The following PPL variants were observed in gnomAD, a reference collection of about 807,000 sequenced individuals.
PPL encodes 190 kDa paraneoplastic pemphigus antigen.
PPL carries 198 observed loss-of-function variants against 194.4 expected under a neutral mutation model. That is an observed-to-expected ratio of 1.02 (90% confidence interval 0.91 to 1.15). The LOEUF (loss-of-function observed/expected upper bound fraction) is 1.15, where lower values mean the gene tolerates loss of function less well. Ranked by LOEUF, PPL falls within the 50% of genes most tolerant of loss-of-function variation. The pLI, the probability that PPL is intolerant of heterozygous loss-of-function variation, is 0.00. For synonymous variants in PPL, 1,220 were observed against 972.4 expected, an observed-to-expected ratio of 1.25 and a Z score of -4.74; for missense variants, 2,885 against 2,294.8, an observed-to-expected ratio of 1.26 and a Z score of -5.25.
chr16:4,929,012 TTAAAAAAAAAAAAA>T (rs2089194406), intron 1 of PPL, among the ~76,000 whole-genome samples: 1 of 81,032 alleles, frequency 1.2e-5, no homozygotes, highest in African/African-American at 4.6e-5. Context: ...AAACTCTACC[TTAAAAAAAAAAAAA>T]AAAAAAAAAA....
chr16:4,890,366 C>A, intron 17 of PPL, 32 bp from the exon 18 acceptor site: 1 of 1,561,158 alleles, frequency 6.4e-7, no homozygotes, highest in South Asian at 1.2e-5. Context: ...GCCTCAGCCA[C>A]AGCAAACAGA....
rs201818308 is a variant in PPL at position 4,890,344 on chromosome 16, C to T, written c.2163-10G>A. 11 of 1,606,440 alleles carry T rather than the reference C, an allele frequency of 6.8e-6. No homozygotes were observed. Among genetic ancestry groups the T allele is most frequent in the East Asian group, 4.5e-5 (2 of 44,810 alleles). On this transcript the variant is annotated splice_polypyrimidine_tract_variant and intron_variant, in intron 17 of 21. Coordinates refer to ENST00000345988, the MANE Select transcript of PPL (RefSeq NM_002705.5). ...CTGTAGGCTCTGCGCCCTGTCAAGG[C>T]AAAGCGTTCAGGCCTCAGCCACAGC... is the stretch of plus-strand genomic sequence containing the variant.
intron 1 of PPL, among the ~76,000 whole-genome samples, chr16:4,926,352 AG>A (rs2089154459): frequency 6.6e-6 from 1 of 152,176 alleles, no homozygotes; most frequent in Non-Finnish European, 1.5e-5. Context: ...TGCCCCTTAC[AG>A]GCCCTGGCAA....
intron 20 of PPL, among the ~76,000 whole-genome samples, chr16:4,887,680 G>A (rs1476707401): frequency 6.6e-6 from 1 of 152,142 alleles, no homozygotes; most frequent in Non-Finnish European, 1.5e-5. Context: ...GTAGCTCACT[G>A]CAGCCTTGAA....
At chr16:4,911,900 G>A (rs2088827334) in intron 1 of PPL, among the ~76,000 whole-genome samples, 1 of 151,332 alleles carries the variant, frequency 6.6e-6, no homozygotes, top group Non-Finnish European at 1.5e-5. Context: ...GCAGTGGCGT[G>A]ATCATAGTTC....
chr16:4,921,061 G>A lies in PPL; in HGVS notation c.63-10112C>T, dbSNP rs181370147. Among the ~76,000 whole-genome samples the A allele has an allele frequency of 1.2e-4, 19 of 152,314 alleles. 1 individual carries two copies. Among genetic ancestry groups the A allele is most frequent in the Middle Eastern group, 6.8e-3 (2 of 294 alleles). On this transcript the variant is annotated intron_variant, in intron 1 of 21. Transcript: ENST00000345988. Reference sequence around the variant, plus strand: ...CTAGATGGGTTTTGCAAGCCTCTACGAGTCACCTCGAGTCGACTGAGGCTG... The same window carrying A: ...CTAGATGGGTTTTGCAAGCCTCTACAAGTCACCTCGAGTCGACTGAGGCTG...
rs1036613051 is a variant in PPL, at chr16:4,916,532, G to T, written c.63-5583C>A. 2.0e-5 allele frequency among the ~76,000 whole-genome samples: 3 copies of T among 151,778 alleles called. No individual in the cohort carries two copies. In the South Asian group the frequency reaches 6.2e-4, roughly 32 times the overall value. ...CAGCCTTATTATTTTTTGAGACAGG[G>T]TCTCACTCTGTTGCCCAGGCTGGAC... On this transcript the variant is annotated intron_variant, in intron 1 of 21. Transcript: ENST00000345988.
At chr16:4,914,562 A>G (rs2088882825) in intron 1 of PPL, among the ~76,000 whole-genome samples, 1 of 152,178 alleles carries the variant, frequency 6.6e-6, no homozygotes, top group Admixed American at 6.5e-5. Flanking sequence ...AACAGGACCC[A>G]AGCCATACCT....
chr16:4,885,340 C>A lies in PPL; in HGVS notation c.3315G>T (p.Arg1105=). Residue 1105 remains arginine (R), a synonymous_variant, in exon 22 of 22, where the codon CGG becomes CGT. Coordinates refer to ENST00000345988, the MANE Select transcript of PPL (RefSeq NM_002705.5). This position sits in a 1 kb window ranked among gnomAD's most constrained non-coding sequence, Gnocchi z 6.3. ...QDKLKRLEKE[R]AMAEGKITVK... ...CGGTGATCTTGCCCTCGGCCATGGCCCGCTCCTTCTCTAGCCTCTTGAGCT... is the reference window on the plus strand; with the variant it reads ...CGGTGATCTTGCCCTCGGCCATGGCACGCTCCTTCTCTAGCCTCTTGAGCT... The A allele has an allele frequency of 1.9e-6, 3 of 1,612,832 alleles. No homozygotes were observed. The highest frequency in any genetic ancestry group is 1.7e-6 in the Non-Finnish European group (2 of 1,179,982).
At chr16:4,933,894 T>C (rs1179131119) in intron 1 of PPL, among the ~76,000 whole-genome samples, 2 of 152,224 alleles carry the variant, frequency 1.3e-5, no homozygotes, top group African/African-American at 4.8e-5. Context: ...CGCATTTGCT[T>C]AATAACTGTA....
chr16:4,929,318 G>T (rs2089198932), intron 1 of PPL, among the ~76,000 whole-genome samples: 1 of 151,830 alleles, frequency 6.6e-6, no homozygotes, highest in Admixed American at 6.6e-5. Flanking sequence ...GCTTCCTGAG[G>T]TCCCTCTTCT....
intron 9 of PPL, among the ~76,000 whole-genome samples, chr16:4,896,428 A>G (rs1382048444): frequency 1.3e-5 from 2 of 152,224 alleles, no homozygotes; most frequent in Non-Finnish European, 2.9e-5. Flanking sequence ...TGAAAATGCT[A>G]CAACACGGAT....
chr16:4,897,895 G>T, intron 8 of PPL, 125 bp from the exon 9 acceptor site: 1 of 722,852 alleles, frequency 1.4e-6, no homozygotes. Flanking sequence ...TCTGGGTGTG[G>T]CTACCACAGG....
At chr16:4,928,691 T>A (rs779104979) in intron 1 of PPL, among the ~76,000 whole-genome samples, 6 of 152,178 alleles carry the variant, frequency 3.9e-5, no homozygotes, top group Non-Finnish European at 7.3e-5. Flanking sequence ...GAGACAGGGC[T>A]TCAACCCTGC....
At chr16:4,921,630 C>G (rs1398917941) in intron 1 of PPL, among the ~76,000 whole-genome samples, 1 of 152,126 alleles carries the variant, frequency 6.6e-6, no homozygotes, top group East Asian at 1.9e-4. Context: ...CCACGCCCGG[C>G]TAATGTTTGT....
At chr16:4,928,802 G>A (rs960004648) in intron 1 of PPL, among the ~76,000 whole-genome samples, 1 of 152,052 alleles carries the variant, frequency 6.6e-6, no homozygotes, top group African/African-American at 2.4e-5. Context: ...CCTGAGGTCA[G>A]GTGTTTGCGA....
In PPL at chr16:4,902,626, A is replaced by G. The variant is rs79655418; in HGVS notation, c.318-100T>C. 87,329 of 1,389,350 alleles carry G rather than the reference A, an allele frequency of 0.063. 3,100 individuals are homozygous for G. The highest frequency in any genetic ancestry group is 0.12 in the Middle Eastern group (508 of 4,302). 86.1% of individuals were successfully genotyped at this position (1,389,350 alleles called of 1,614,324 possible). ...ACCCCGGCCTCAGTGTCCTGGAAGG[A>G]CACAGTGACCATATGGCCTTGGGTT... On this transcript the variant is annotated intron_variant, in intron 3 of 21. Coordinates refer to ENST00000345988, the MANE Select transcript of PPL (RefSeq NM_002705.5). This position sits in a 1 kb window ranked among gnomAD's most constrained non-coding sequence, Gnocchi z 4.0.
rs1258008024 is a variant in PPL, at chr16:4,889,263, T to G, written c.2314-202A>C. Among the ~76,000 whole-genome samples, 19 of 129,384 alleles carry G rather than the reference T, an allele frequency of 1.5e-4. No individual in the cohort carries two copies. The East Asian group carries it at 2.8e-3, about 19-fold the overall frequency. 84.9% of individuals were successfully genotyped at this position (129,384 alleles called of 152,430 possible). ...GTTGTTTTTTTTTTTTTTTTTTTTTTTTTTTTTTTTTGAGACAGTCTCACT... is the reference window on the plus strand; with the variant it reads ...GTTGTTTTTTTTTTTTTTTTTTTTTGTTTTTTTTTTTGAGACAGTCTCACT... On this transcript the variant is annotated intron_variant, in intron 18 of 21. Coordinates refer to ENST00000345988, the MANE Select transcript of PPL (RefSeq NM_002705.5).
intron 1 of PPL, among the ~76,000 whole-genome samples, chr16:4,921,579 G>A (rs1490232806): frequency 1.3e-5 from 2 of 151,792 alleles, no homozygotes; most frequent in Non-Finnish European, 2.9e-5. Context: ...CAATTCTCGT[G>A]CCTCAGCCTC....
Sources: allele counts gnomAD v4.1 joint callset (sites outside exome capture counted in the v4.1 genomes callset), GRCh38; gene constraint gnomAD v4.1.1; non-coding constraint Gnocchi (gnomAD v3.1); transcripts MANE v1.5; gene names NCBI Gene and HGNC (gene_info 2026-07-23, HGNC 2026-07-21).